Variants in EPHA8 observed in about 807,000 individuals in gnomAD.
EPHA8 encodes EPH receptor A8, also known as ephrin type-A receptor 8.
In EPHA8, 58 loss-of-function variants were observed where a neutral mutation model predicts 103.6. The observed-to-expected ratio is 0.56, with a 90% CI of 0.45 to 0.70. The LOEUF (loss-of-function observed/expected upper bound fraction) is 0.70. Among genes scored for constraint, EPHA8 ranks in the 30% least tolerant of loss-of-function variants. EPHA8 has a pLI of 0.00. For missense variants in EPHA8, 1,304 were observed against 1,395.2 expected, an observed-to-expected ratio of 0.93 and a Z score of 1.04; for synonymous variants, 559 against 572.5, an observed-to-expected ratio of 0.98 and a Z score of 0.34.
At chr1:22,599,744 G>C (rs1641644641) in intron 13 of EPHA8, among the ~76,000 whole-genome samples, 1 of 52,208 alleles carries the variant, frequency 1.9e-5, no homozygotes, top group Non-Finnish European at 3.6e-5. Flanking sequence ...AGGAGGGAGG[G>C]AGGAAGGAGG....
chr1:22,579,130 C>T (rs1193872030), intron 3 of EPHA8, among the ~76,000 whole-genome samples: 1 of 106,132 alleles, frequency 9.4e-6, no homozygotes, highest in African/African-American at 3.7e-5. Context: ...TGTATGTGTG[C>T]ATGTGTGTGT....
intron 3 of EPHA8, among the ~76,000 whole-genome samples, chr1:22,579,162 T>G (rs1640954179): frequency 6.6e-6 from 1 of 151,418 alleles, no homozygotes; most frequent in South Asian, 2.1e-4. Flanking sequence ...AGAGTGTATG[T>G]ATGCATGTGT....
At position 22,577,433 on chromosome 1, in the gene EPHA8, C is replaced by T. The variant is rs58632954; in HGVS notation, c.823+553C>T. On this transcript the variant is annotated intron_variant, in intron 3 of 16. Transcript: ENST00000166244. ...TGGCTCCAGAGTTGGTGCTCGAAACCGCTGAACTTCTAACCTGTAGGGTGG... is the reference window on the plus strand; with the variant it reads ...TGGCTCCAGAGTTGGTGCTCGAAACTGCTGAACTTCTAACCTGTAGGGTGG... 6.6e-3 allele frequency among the ~76,000 whole-genome samples: 1,012 copies of T among 152,210 alleles called. 11 individuals are homozygous for T. Among genetic ancestry groups the T allele is most frequent in the African/African-American group, 0.023 (964 of 41,520 alleles).
chr1:22,576,907 GT>G lies in EPHA8; in HGVS notation c.823+28del. The G allele has an allele frequency of 1.9e-6, 3 of 1,556,528 alleles. No homozygotes were observed. The highest frequency in any genetic ancestry group is 2.6e-6 in the Non-Finnish European group (3 of 1,148,096). On this transcript the variant is annotated intron_variant, in intron 3 of 16. Transcript: ENST00000166244. This position sits in a 1 kb window ranked among gnomAD's most constrained non-coding sequence, Gnocchi z 4.8. Reference sequence around the variant, plus strand: ...TGAGCGCGCCATGGCCTGGGCATGGGTCAGCCGGCAGCGGTGCTTGGTCTTG... The same window carrying G: ...TGAGCGCGCCATGGCCTGGGCATGGGCAGCCGGCAGCGGTGCTTGGTCTTG...
Position 22,600,887 on chromosome 1 carries a change from A to C in EPHA8, c.2539-11A>C. The stretch of plus-strand genomic sequence containing the variant: ...GGAGGGACGGCTGAGCCCAGCGCTG[A>C]TCCCCTGCAGGTCATCAGCTCTGTG... On this transcript the variant is annotated splice_polypyrimidine_tract_variant and intron_variant, in intron 14 of 16. Coordinates refer to ENST00000166244, the MANE Select transcript of EPHA8 (RefSeq NM_020526.5). The C allele has an allele frequency of 6.3e-7, 1 of 1,598,478 alleles. No individual in the cohort carries two copies. The highest frequency in any genetic ancestry group is 8.5e-7 in the Non-Finnish European group (1 of 1,171,226).
chr1:22,577,967 A>ATG (rs879002179), intron 3 of EPHA8, among the ~76,000 whole-genome samples: 26 of 184 alleles, frequency 0.14, 1 homozygote, highest in Non-Finnish European at 0.21. Flanking sequence ...ATGTGTGTGC[A>ATG]TGTGCGTATG....
intron 8 of EPHA8, 74 bp from the exon 9 acceptor site, chr1:22,596,032 T>G: frequency 1.4e-6 from 2 of 1,400,356 alleles, no homozygotes; most frequent in Non-Finnish European, 2.0e-6. Flanking sequence ...AAGCCATGAC[T>G]CGTTCCCTGG....
Position 22,598,930 on chromosome 1 carries a change from C to G in EPHA8, c.2271C>G (p.Val757=), listed in dbSNP as rs763574995. ...GMRYLSDLGY[V]HRDLAARNVL... is the part of the protein sequence containing the mutation. The stretch of plus-strand genomic sequence containing the variant: ...GCTACCTCTCAGACCTGGGCTATGT[C>G]CACCGAGACCTGGCCGCCCGCAACG... The change falls in exon 13 of 17, where the codon GTC becomes GTG. Residue 757 remains valine (V), a synonymous_variant. Transcript: ENST00000166244. This position sits in a 1 kb window ranked among gnomAD's most constrained non-coding sequence, Gnocchi z 5.1. The G allele has an allele frequency of 6.2e-7, 1 of 1,612,840 alleles. No individual in the cohort carries two copies. The highest frequency in any genetic ancestry group is 1.1e-5 in the South Asian group (1 of 90,878).
At position 22,601,797 on chromosome 1, in the gene EPHA8, G is replaced by T. The variant is rs528464094; in HGVS notation, c.*56G>T. The T allele has an allele frequency of 1.4e-4, 205 of 1,498,014 alleles. No homozygotes were observed. Among genetic ancestry groups the T allele is most frequent in the Admixed American group, 1.2e-3 (62 of 50,158 alleles). The allele number at this position is 1,498,014 out of a possible 1,614,324, so 92.8% of individuals were successfully genotyped here. On this transcript the variant is annotated 3_prime_UTR_variant, in exon 17 of 17. Transcript: ENST00000166244. ...AAGCCCACCCCAGGTCATGCCAGCG[G>T]CAGAGGACGTGAGGGGCTGGCAGCA...
chr1:22,586,457 T>G (rs759442934), intron 3 of EPHA8, 23 bp from the exon 4 acceptor site: 1 of 1,610,494 alleles, frequency 6.2e-7, no homozygotes, highest in South Asian at 1.1e-5. Flanking sequence ...CTGGCTCATG[T>G]GCAGCCGCCT....
rs1243262672 is a variant in EPHA8, at chr1:22,598,665, T to A, written c.2179-173T>A. Among the ~76,000 whole-genome samples, 1 of 152,098 alleles carries A rather than the reference T, an allele frequency of 6.6e-6. No homozygotes were observed. The highest frequency in any genetic ancestry group is 1.5e-5 in the Non-Finnish European group (1 of 68,008). ...CTCGCAGGGTTGCTGTGAGGGTAAA[T>A]GAGACCAGGAGAATAACCCTTAACT... On this transcript the variant is annotated intron_variant, in intron 12 of 16. Transcript: ENST00000166244. This position sits in a 1 kb window ranked among gnomAD's most constrained non-coding sequence, Gnocchi z 5.1.
intron 3 of EPHA8, among the ~76,000 whole-genome samples, chr1:22,580,092 C>G (rs1239151138): frequency 6.6e-6 from 1 of 151,106 alleles, no homozygotes; most frequent in Non-Finnish European, 1.5e-5. Context: ...CCCTTTGAAG[C>G]CCTTCCCGGA....
intron 4 of EPHA8, 75 bp downstream of exon 4, chr1:22,586,710 C>A: frequency 1.9e-6 from 3 of 1,560,126 alleles, no homozygotes; most frequent in Non-Finnish European, 8.7e-7. Context: ...TCCTCCAGGC[C>A]TCAGAGAGCC....
intron 3 of EPHA8, among the ~76,000 whole-genome samples, chr1:22,579,098 T>A (rs374010113): frequency 7.4e-6 from 1 of 134,752 alleles, no homozygotes; most frequent in East Asian, 2.1e-4. Flanking sequence ...CATGTGTGCA[T>A]GTGTATGTGT....
chr1:22,584,669 C>T (rs956110539), intron 3 of EPHA8, among the ~76,000 whole-genome samples: 7 of 152,142 alleles, frequency 4.6e-5, no homozygotes, highest in Admixed American at 3.9e-4. Flanking sequence ...GTGAGCTTCC[C>T]AGTGGTCCCT....
chr1:22,584,702 T>C (rs75903500), intron 3 of EPHA8, among the ~76,000 whole-genome samples: 9,949 of 152,196 alleles, frequency 0.065, 368 homozygotes, highest in South Asian at 0.19. Context: ...TTCAGTTCCA[T>C]GGACGGAGCC....
Position 22,602,167 on chromosome 1 carries a change from C to T in EPHA8, c.*426C>T, listed in dbSNP as rs1641758283. 1 of 234,364 alleles carries T rather than the reference C, an allele frequency of 4.3e-6. No homozygotes were observed. Among genetic ancestry groups the T allele is most frequent in the Non-Finnish European group, 8.1e-6 (1 of 123,124 alleles). 14.5% of individuals were successfully genotyped at this position (234,364 alleles called of 1,614,324 possible). On this transcript the variant is annotated 3_prime_UTR_variant, in exon 17 of 17. Transcript: ENST00000166244. ...AGCATGGACGTGTGCATGTTATGAG[C>T]GTGTGCTTATCCGTTAAGGCTGGAG...
chr1:22,574,188 C>T (rs1640620619), intron 2 of EPHA8, among the ~76,000 whole-genome samples: 1 of 152,034 alleles, frequency 6.6e-6, no homozygotes, highest in Admixed American at 6.5e-5. Flanking sequence ...ACTGTGTTAG[C>T]CAGGATGGTG....
chr1:22,568,479 G>A (rs565165485), intron 1 of EPHA8, among the ~76,000 whole-genome samples: 10 of 152,330 alleles, frequency 6.6e-5, no homozygotes, highest in South Asian at 2.1e-4. Context: ...TGGCAGCTCC[G>A]CCAGCTACAC....
Sources: allele counts gnomAD v4.1 joint callset (sites outside exome capture counted in the v4.1 genomes callset), GRCh38; gene constraint gnomAD v4.1.1; non-coding constraint Gnocchi (gnomAD v3.1); transcripts MANE v1.5; gene names NCBI Gene and HGNC (gene_info 2026-07-23, HGNC 2026-07-21).